CUX2: variants seen among roughly 807,000 people sequenced by gnomAD.
CUX2 encodes homeobox protein cut-like 2.
CUX2 carries 40 observed loss-of-function variants against 144.8 expected under a neutral mutation model. The observed-to-expected ratio is 0.28, with a 90% CI of 0.21 to 0.36. CUX2 has a LOEUF of 0.36. Among genes scored for constraint, CUX2 ranks in the 10% least tolerant of loss-of-function variants. The probability of loss-of-function intolerance (pLI) is 1.00; values close to 1 mark genes in which losing one functional copy is unlikely to be tolerated. For missense variants in CUX2, 1,615 were observed against 1,994.0 expected (o/e 0.81, Z 3.62); for synonymous variants, 827 against 875.6 (o/e 0.94, Z 0.98).
chr12:111,272,240 G>A (rs1884673420), intron 4 of CUX2, among the ~76,000 whole-genome samples: 1 of 152,108 alleles, frequency 6.6e-6, no homozygotes, highest in East Asian at 1.9e-4. Flanking sequence ...TAAGCCACCT[G>A]CACAGCTACA....
In CUX2 at chr12:111,289,936, G is replaced by A. The variant is rs901819533; in HGVS notation, c.302-1482G>A. The stretch of plus-strand genomic sequence containing the variant: ...CACATAGCCTACAGAAGTGCTGGCC[G>A]AGGCCATGGGGGAGTCATCACTCCA... On this transcript the variant is annotated intron_variant, in intron 4 of 21. Coordinates refer to ENST00000261726, the MANE Select transcript of CUX2 (RefSeq NM_015267.4). The surrounding 1 kb of genome is among the most constrained non-coding windows in gnomAD (Gnocchi z 4.1). Among the ~76,000 whole-genome samples the A allele has an allele frequency of 2.6e-5, 4 of 152,196 alleles. No homozygotes were observed. Among genetic ancestry groups the A allele is most frequent in the African/African-American group, 7.2e-5 (3 of 41,438 alleles).
intron 1 of CUX2, among the ~76,000 whole-genome samples, chr12:111,045,795 A>G (rs749827225): frequency 8.5e-5 from 13 of 152,270 alleles, no homozygotes; most frequent in Admixed American, 2.0e-4. Flanking sequence ...CTCATCTGTA[A>G]AATGGGACTG....
At chr12:111,273,641 A>G (rs1884727152) in intron 4 of CUX2, among the ~76,000 whole-genome samples, 1 of 152,222 alleles carries the variant, frequency 6.6e-6, no homozygotes. Flanking sequence ...GAGGAAGAAC[A>G]AGTGGAACTT....
intron 1 of CUX2, among the ~76,000 whole-genome samples, chr12:111,113,732 T>C (rs892296169): frequency 3.9e-5 from 6 of 152,120 alleles, no homozygotes. Context: ...TTTTTGTATT[T>C]TTATTAGAGA....
At chr12:111,179,717 C>A (rs1281368008) in intron 1 of CUX2, among the ~76,000 whole-genome samples, 3 of 151,718 alleles carry the variant, frequency 2.0e-5, no homozygotes, top group African/African-American at 7.3e-5. Flanking sequence ...CACTCTGTAC[C>A]CCAGGCTGGA....
chr12:111,131,261 G>A (rs930565334), intron 1 of CUX2, among the ~76,000 whole-genome samples: 6 of 152,146 alleles, frequency 3.9e-5, no homozygotes, highest in South Asian at 2.1e-4. Flanking sequence ...ATCAGATCTC[G>A]TGAGACTTAT....
intron 1 of CUX2, among the ~76,000 whole-genome samples, chr12:111,120,626 C>T (rs1157264157): frequency 2.0e-5 from 3 of 151,204 alleles, no homozygotes; most frequent in African/African-American, 4.9e-5. Context: ...CCTTTGACAC[C>T]TTCTCTCTGG....
At chr12:111,107,924 C>T (rs1269219131) in intron 1 of CUX2, among the ~76,000 whole-genome samples, 1 of 152,176 alleles carries the variant, frequency 6.6e-6, no homozygotes, top group African/African-American at 2.4e-5. Flanking sequence ...ATTAACGTGG[C>T]TGAAACACCA....
At chr12:111,259,031 CTG>C (rs57814010) in intron 3 of CUX2, among the ~76,000 whole-genome samples, 5,038 of 132,012 alleles carry the variant, frequency 0.038, 99 homozygotes, top group African/African-American at 0.055. Flanking sequence ...CCACACCCAG[CTG>C]TGTGTGTGTG....
intron 1 of CUX2, among the ~76,000 whole-genome samples, chr12:111,049,266 C>T (rs973896141): frequency 6.6e-6 from 1 of 152,174 alleles, no homozygotes; most frequent in Non-Finnish European, 1.5e-5. Flanking sequence ...CCCATCCACC[C>T]ACCCATTCAT....
At chr12:111,309,874 TCTCC>T (rs1886793483) in intron 14 of CUX2, among the ~76,000 whole-genome samples, 163 bp from the exon 15 acceptor site, 1 of 151,624 alleles carries the variant, frequency 6.6e-6, no homozygotes, top group Non-Finnish European at 1.5e-5. Flanking sequence ...TCTGTCTCGC[TCTCC>T]CTCTCTCTCT....
chr12:111,053,881 G>A (rs751452697), intron 1 of CUX2, among the ~76,000 whole-genome samples: 6 of 152,220 alleles, frequency 3.9e-5, no homozygotes, highest in Non-Finnish European at 7.3e-5. Context: ...AGAGCTGGGC[G>A]CAGTGGCTCA....
At chr12:111,096,720 G>A (rs1261057968) in intron 1 of CUX2, among the ~76,000 whole-genome samples, 4 of 152,206 alleles carry the variant, frequency 2.6e-5, no homozygotes, top group Admixed American at 1.3e-4. Flanking sequence ...TTAGTAGGCT[G>A]TAATCCCAAC....
rs1886275896 is a variant in CUX2 at position 111,301,199 on chromosome 12, A to ACTATT, written c.753+2611_753+2615dup. On this transcript the variant is annotated intron_variant, in intron 9 of 21. Coordinates refer to ENST00000261726, the MANE Select transcript of CUX2 (RefSeq NM_015267.4). ...GTTTTTAATCTCTGTATTTATTAAT[A>ACTATT]CTATTTTAATGAGGATGCTGGGGTA... 2.0e-5 allele frequency among the ~76,000 whole-genome samples: 3 copies of ACTATT among 152,212 alleles called. No individual in the cohort carries two copies. In the South Asian group the frequency reaches 6.2e-4, roughly 32 times the overall value.
At chr12:111,131,616 G>C (rs533411283) in intron 1 of CUX2, among the ~76,000 whole-genome samples, 1 of 152,286 alleles carries the variant, frequency 6.6e-6, no homozygotes, top group South Asian at 2.1e-4. Context: ...TACAGTGGGG[G>C]CACAGGTATT....
In CUX2 at chr12:111,347,589, G is replaced by A; in HGVS notation, c.3725G>A (p.Gly1242Glu). The change falls in exon 22 of 22, where the codon GGG (glycine) becomes GAG (glutamate). Residue 1242 changes from glycine (G) to glutamate (E), a missense_variant. By Grantham distance (98) the Gly-to-Glu change is moderately conservative. Around this residue, in one of 12 missense-constraint regions of CUX2, gnomAD observed 298 missense variants for 330.4 expected, o/e 0.90. Transcript: ENST00000261726. ...GATGAGCCAGACCTTGATCCAAGCG[G>A]GGGTCCTGGAATCCTACCGCCAGGC... Reference protein sequence around the residue: ...TQDEPDLDPSGGPGILPPGHS... With the variant: ...TQDEPDLDPSEGPGILPPGHS... The A allele has an allele frequency of 1.9e-6, 3 of 1,613,484 alleles. No individual in the cohort carries two copies. The highest frequency in any genetic ancestry group is 1.1e-5 in the South Asian group (1 of 91,024).
intron 1 of CUX2, among the ~76,000 whole-genome samples, chr12:111,073,717 T>C (rs1871360343): frequency 6.6e-6 from 1 of 152,040 alleles, no homozygotes; most frequent in East Asian, 1.9e-4. Context: ...CCCAATGCTT[T>C]GGGACGCCAA....
intron 21 of CUX2, among the ~76,000 whole-genome samples, chr12:111,345,735 C>CAAA (rs762939855): frequency 1.9e-5 from 1 of 51,324 alleles, no homozygotes; most frequent in Non-Finnish European, 4.1e-5. Flanking sequence ...GACTCCGTCT[C>CAAA]AAAAAAAAAA....
chr12:111,102,964 G>A (rs1329657818), intron 1 of CUX2, among the ~76,000 whole-genome samples: 2 of 152,170 alleles, frequency 1.3e-5, no homozygotes, highest in African/African-American at 4.8e-5. Context: ...ATTTGAAGTG[G>A]ATGCCTTGAT....
Sources: gnomAD v4.1 joint callset for allele counts (sites outside exome capture counted in the v4.1 genomes callset) on GRCh38, gnomAD v4.1.1 for gene constraint, gnomAD v4.1.1 regional missense constraint, Gnocchi (gnomAD v3.1) non-coding constraint, MANE v1.5 for transcripts, NCBI Gene and HGNC (gene_info 2026-07-23, HGNC 2026-07-21) for gene names.